Variants in PDIA5 observed in about 807,000 individuals in gnomAD.
PDIA5 encodes the protein protein disulfide isomerase family A member 5, also known as protein disulfide-isomerase A5.
PDIA5 carries 58 observed loss-of-function variants against 77.6 expected under a neutral mutation model. The ratio of observed to expected loss-of-function variants is 0.75; its 90% confidence interval spans 0.61 to 0.93. The LOEUF (loss-of-function observed/expected upper bound fraction) is 0.93. Ranked by LOEUF, PDIA5 falls within the 40% of genes least tolerant of loss-of-function variation. The pLI, the probability that PDIA5 is intolerant of heterozygous loss-of-function variation, is 0.00. For missense variants in PDIA5, 630 were observed against 647.7 expected (o/e 0.97, Z 0.30); for synonymous variants, 250 against 252.1 (o/e 0.99, Z 0.08).
At chr3:123,079,023 C>A (rs1441062154) in intron 1 of PDIA5, among the ~76,000 whole-genome samples, 1 of 151,936 alleles carries the variant, frequency 6.6e-6, no homozygotes, top group Non-Finnish European at 1.5e-5. Flanking sequence ...TAATTTTTTT[C>A]TTTAAACATT....
In PDIA5 at chr3:123,102,398, T is replaced by C. The variant is rs755217313; in HGVS notation, c.258-13T>C. On this transcript the variant is annotated splice_polypyrimidine_tract_variant and intron_variant, in intron 3 of 16. Coordinates refer to ENST00000316218, the MANE Select transcript of PDIA5 (RefSeq NM_006810.4). ...TCAGGTAATAAATGGTTCCCAACAT[T>C]TGTGTCTTCCAGTGATGCAGAGAGT... is the stretch of plus-strand genomic sequence containing the variant. 33 of 1,607,296 alleles carry C rather than the reference T, an allele frequency of 2.1e-5. No individual in the cohort carries two copies. Among genetic ancestry groups the C allele is most frequent in the Non-Finnish European group, 2.6e-5 (30 of 1,173,900 alleles).
intron 14 of PDIA5, among the ~76,000 whole-genome samples, chr3:123,152,087 TCC>T (rs1935925473): frequency 2.2e-5 from 1 of 46,082 alleles, no homozygotes; most frequent in African/African-American, 1.5e-4. Context: ...CTGCCTTCCT[TCC>T]TGCCTTCCTG....
chr3:123,115,741 GA>G (rs1934979960), intron 7 of PDIA5, among the ~76,000 whole-genome samples: 1 of 152,250 alleles, frequency 6.6e-6, no homozygotes. Context: ...TAATGAAAGA[GA>G]AAGGAGGCAT....
intron 11 of PDIA5, among the ~76,000 whole-genome samples, chr3:123,133,018 C>T (rs1935407646): frequency 6.6e-6 from 1 of 152,184 alleles, no homozygotes; most frequent in African/African-American, 2.4e-5. Flanking sequence ...GGTAATAGCT[C>T]TGGATTAATT....
intron 5 of PDIA5, among the ~76,000 whole-genome samples, chr3:123,104,406 T>C (rs933656900): frequency 6.6e-6 from 1 of 152,180 alleles, no homozygotes; most frequent in Admixed American, 6.5e-5. Flanking sequence ...CAGTCACTAA[T>C]TAACTTTCCA....
rs765730034 is a variant in PDIA5 at position 123,146,082 on chromosome 3, C to G, written c.982-17C>G. On this transcript the variant is annotated splice_polypyrimidine_tract_variant and intron_variant, in intron 12 of 16. Coordinates refer to ENST00000316218, the MANE Select transcript of PDIA5 (RefSeq NM_006810.4). ...ATCTGAGGCTGTAATGCATGGTTGG[C>G]CTTTCCCCCATCCCAGAGCTCTGGT... is the stretch of plus-strand genomic sequence containing the variant. 2 of 1,612,958 alleles carry G rather than the reference C, an allele frequency of 1.2e-6. No individual in the cohort carries two copies. Among genetic ancestry groups the G allele is most frequent in the Non-Finnish European group, 1.7e-6 (2 of 1,179,310 alleles).
chr3:123,107,747 A>T (rs1357807998), intron 6 of PDIA5, among the ~76,000 whole-genome samples: 2 of 152,116 alleles, frequency 1.3e-5, no homozygotes, highest in Non-Finnish European at 2.9e-5. Flanking sequence ...CAATAAAATA[A>T]AACATAGCTT....
chr3:123,120,811 A>C (rs1935097292), intron 8 of PDIA5, among the ~76,000 whole-genome samples: 11 of 143,456 alleles, frequency 7.7e-5, no homozygotes, highest in East Asian at 2.0e-4. Context: ...CCCCACCTCC[A>C]CCTCTCTTTA....
intron 11 of PDIA5, among the ~76,000 whole-genome samples, chr3:123,141,301 G>A (rs1226240866): frequency 1.3e-5 from 2 of 152,182 alleles, no homozygotes; most frequent in African/African-American, 4.8e-5. Context: ...GAGTGGTCAA[G>A]GGAGCCTCTC....
chr3:123,135,663 G>A (rs1474346467), intron 11 of PDIA5, among the ~76,000 whole-genome samples: 1 of 146,420 alleles, frequency 6.8e-6, no homozygotes, highest in Non-Finnish European at 1.5e-5. Context: ...TATAACCTTT[G>A]TAGAAAATCT....
In PDIA5 at chr3:123,096,955, G is replaced by A. The variant is rs180778025; in HGVS notation, c.257+4513G>A. Among the ~76,000 whole-genome samples the A allele has an allele frequency of 1.4e-3, 219 of 152,318 alleles. 1 individual carries two copies. The highest frequency in any genetic ancestry group is 4.9e-3 in the African/African-American group (204 of 41,566). ...TAATTCCCGAGGCTGCGTCTCACAG[G>A]GGGCAAGGCTGTCCTATCAGGTGCT... is the stretch of plus-strand genomic sequence containing the variant. On this transcript the variant is annotated intron_variant, in intron 3 of 16. Transcript: ENST00000316218.
chr3:123,092,320 T>A, intron 2 of PDIA5, 35 bp from the exon 3 acceptor site: 1 of 1,564,912 alleles, frequency 6.4e-7, no homozygotes. Context: ...GTGCCCTTGG[T>A]CACAGATGTT....
chr3:123,152,407 C>A (rs145965012), intron 14 of PDIA5, among the ~76,000 whole-genome samples: 3 of 152,148 alleles, frequency 2.0e-5, no homozygotes, highest in Non-Finnish European at 2.9e-5. Context: ...TCTGTTACTG[C>A]GTTTTTCTGT....
chr3:123,145,186 T>G (rs1410092453), intron 11 of PDIA5: 2 of 235,702 alleles, frequency 8.5e-6, no homozygotes, highest in Middle Eastern at 1.4e-3. Context: ...ACCTGCCCTC[T>G]TGGTGCCTCA....
chr3:123,145,790 C>T (rs577103386), intron 12 of PDIA5, among the ~76,000 whole-genome samples, 198 bp downstream of exon 12: 13 of 152,312 alleles, frequency 8.5e-5, no homozygotes, highest in South Asian at 4.1e-4. Context: ...CCCATGTTCC[C>T]GTGCCCATCC....
intron 1 of PDIA5, among the ~76,000 whole-genome samples, chr3:123,072,637 T>C (rs1033078004): frequency 6.6e-6 from 1 of 152,198 alleles, no homozygotes; most frequent in Non-Finnish European, 1.5e-5. Context: ...GCAGAAGGGC[T>C]CAGGATGTAA....
Position 123,106,736 on chromosome 3 carries a change from T to C in PDIA5, c.388-13T>C. The C allele has an allele frequency of 6.3e-7, 1 of 1,591,982 alleles. No homozygotes were observed. Among genetic ancestry groups the C allele is most frequent in the Non-Finnish European group, 8.6e-7 (1 of 1,160,880 alleles). On this transcript the variant is annotated splice_polypyrimidine_tract_variant and intron_variant, in intron 5 of 16. Coordinates refer to ENST00000316218, the MANE Select transcript of PDIA5 (RefSeq NM_006810.4). ...GCTAAAATGCATTTTCTCTTCTCTTTTTTTTCCCTCAGTCCATAGTGGCCT... is the reference window on the plus strand; with the variant it reads ...GCTAAAATGCATTTTCTCTTCTCTTCTTTTTCCCTCAGTCCATAGTGGCCT...
chr3:123,094,110 T>C (rs1934371524), intron 3 of PDIA5, among the ~76,000 whole-genome samples: 2 of 152,218 alleles, frequency 1.3e-5, no homozygotes, highest in Admixed American at 1.3e-4. Flanking sequence ...ATCCTGTGAA[T>C]TTCGATGTGC....
intron 6 of PDIA5, among the ~76,000 whole-genome samples, chr3:123,110,097 T>G (rs1039215140): frequency 6.6e-6 from 1 of 152,260 alleles, no homozygotes; most frequent in Non-Finnish European, 1.5e-5. Context: ...ATCATCGTGC[T>G]TCACTGCAGT....
Sources: gnomAD v4.1 joint callset for allele counts (sites outside exome capture counted in the v4.1 genomes callset) on GRCh38, gnomAD v4.1.1 for gene constraint, MANE v1.5 for transcripts, NCBI Gene and HGNC (gene_info 2026-07-23, HGNC 2026-07-21) for gene names.